The following SGCD variants were observed in gnomAD, a reference collection of about 807,000 sequenced individuals.
SGCD encodes sarcoglycan delta.
SGCD carries 18 observed loss-of-function variants against 36.6 expected under a neutral mutation model. The observed-to-expected ratio is 0.49, with a 90% CI of 0.34 to 0.73. The LOEUF (loss-of-function observed/expected upper bound fraction) is 0.73. Among genes scored for constraint, SGCD ranks in the 30% least tolerant of loss-of-function variants. SGCD has a pLI of 0.01. For synonymous variants in SGCD, 133 were observed against 130.6 expected (o/e 1.02, Z -0.12); for missense variants, 387 against 346.7 (o/e 1.12, Z -0.92).
chr5:156,099,923 AT>A (rs35935968), intron 1 of SGCD, among the ~76,000 whole-genome samples: 25,023 of 151,924 alleles, frequency 0.16, 3,270 homozygotes, highest in East Asian at 0.46. Context: ...CATTGTCAAA[AT>A]TTTTTTCTTT....
chr5:156,075,040 A>G (rs1162484452), intron 1 of SGCD, among the ~76,000 whole-genome samples: 3 of 152,350 alleles, frequency 2.0e-5, no homozygotes, highest in East Asian at 1.9e-4. Flanking sequence ...CAAAGAGCTG[A>G]TATCTTGAGA....
chr5:156,014,341 T>C (rs970470909), intron 1 of SGCD, among the ~76,000 whole-genome samples: 1 of 152,084 alleles, frequency 6.6e-6, no homozygotes, highest in Non-Finnish European at 1.5e-5. Flanking sequence ...CTGCAGAAAA[T>C]TTACCAGAAT....
chr5:155,738,924 C>CGT, the SGCD span, among the ~76,000 whole-genome samples: 3 of 122,632 alleles, frequency 2.4e-5, no homozygotes, highest in Non-Finnish European at 5.4e-5. Context: ...AGTGTGTTTG[C>CGT]GTGTGAGAGA....
At chr5:155,905,809 T>C (rs56356229) in intron 1 of SGCD, among the ~76,000 whole-genome samples, 16,918 of 152,122 alleles carry the variant, frequency 0.11, 2,552 homozygotes, top group African/African-American at 0.34. Flanking sequence ...TTTCTCTTGC[T>C]GCCACCATGT....
At chr5:156,451,307 G>A (rs57683078) in intron 3 of SGCD, among the ~76,000 whole-genome samples, 30,586 of 152,082 alleles carry the variant, frequency 0.2, 3,147 homozygotes, top group Middle Eastern at 0.28. Context: ...TGGCTGAACA[G>A]TCATACCCAA....
intron 7 of SGCD, among the ~76,000 whole-genome samples, chr5:156,697,945 G>A (rs1754385137): frequency 6.6e-6 from 1 of 152,136 alleles, no homozygotes; most frequent in African/African-American, 2.4e-5. Context: ...GGAGAAAGAG[G>A]GGAGGAAGTC....
chr5:155,849,137 A>G, the SGCD span, among the ~76,000 whole-genome samples: 42 of 152,146 alleles, frequency 2.8e-4, no homozygotes, highest in Non-Finnish European at 1.9e-4. Context: ...CATGTCCTCA[A>G]GTTCTGCACA....
At chr5:156,000,540 A>G (rs1404435402) in intron 1 of SGCD, among the ~76,000 whole-genome samples, 1 of 152,144 alleles carries the variant, frequency 6.6e-6, no homozygotes, top group African/African-American at 2.4e-5. Context: ...CCATATATGA[A>G]ACTAATCCAA....
intron 4 of SGCD, among the ~76,000 whole-genome samples, chr5:156,555,360 G>A (rs555259766): frequency 1.2e-4 from 18 of 152,182 alleles, no homozygotes; most frequent in Non-Finnish European, 8.8e-5. Flanking sequence ...TAGTTCTTAT[G>A]TTTAAATCTT....
chr5:155,966,779 AATAT>A (rs1287539195), intron 1 of SGCD, among the ~76,000 whole-genome samples: 1 of 152,138 alleles, frequency 6.6e-6, no homozygotes, highest in African/African-American at 2.4e-5. Flanking sequence ...GCCTAATGTT[AATAT>A]TAATACTGGC....
At chr5:156,053,162 C>A (rs895857816) in intron 1 of SGCD, among the ~76,000 whole-genome samples, 1 of 146,566 alleles carries the variant, frequency 6.8e-6, no homozygotes, top group African/African-American at 2.5e-5. Context: ...CATTTACAAC[C>A]ACTACCATGC....
intron 3 of SGCD, among the ~76,000 whole-genome samples, chr5:156,451,577 C>A (rs1050661771): frequency 6.6e-6 from 1 of 152,076 alleles, no homozygotes; most frequent in Non-Finnish European, 1.5e-5. Context: ...TTGCTATGGG[C>A]ACAGAGAAAT....
chr5:156,563,030 T>A (rs560062053), intron 4 of SGCD, among the ~76,000 whole-genome samples: 1 of 152,122 alleles, frequency 6.6e-6, no homozygotes, highest in South Asian at 2.1e-4. Context: ...CAGGTTGGAG[T>A]GCAAAATCGC....
At chr5:156,130,608 C>T (rs76323738) in intron 3 of SGCD, among the ~76,000 whole-genome samples, 2,030 of 152,278 alleles carry the variant, frequency 0.013, 21 homozygotes, top group Non-Finnish European at 0.021. Context: ...ATGACTCCAT[C>T]TTTATTCCAG....
intron 3 of SGCD, among the ~76,000 whole-genome samples, chr5:156,461,207 A>G (rs1483800954): frequency 6.6e-6 from 1 of 152,206 alleles, no homozygotes; most frequent in Non-Finnish European, 1.5e-5. Flanking sequence ...TAAAAATGTC[A>G]GAATATGTGG....
chr5:155,978,753 T>A (rs1429370927), intron 1 of SGCD, among the ~76,000 whole-genome samples: 2 of 152,074 alleles, frequency 1.3e-5, no homozygotes, highest in Non-Finnish European at 2.9e-5. Context: ...TTGTTATTTT[T>A]ACGAAAGTAA....
intron 1 of SGCD, among the ~76,000 whole-genome samples, chr5:156,078,520 A>AT (rs1491532979): frequency 0.086 from 10,763 of 125,440 alleles, 488 homozygotes; most frequent in African/African-American, 0.11. Flanking sequence ...CAAAAAAAAA[A>AT]ATATATATAT....
chr5:156,541,921 G>C (rs183650095), intron 4 of SGCD, among the ~76,000 whole-genome samples: 1 of 152,150 alleles, frequency 6.6e-6, no homozygotes, highest in East Asian at 1.9e-4. Context: ...ATTTCCCAGG[G>C]CTAAAATAAT....
intron 7 of SGCD, among the ~76,000 whole-genome samples, chr5:156,706,502 A>C (rs1328507940): frequency 6.6e-6 from 1 of 152,054 alleles, no homozygotes; most frequent in Admixed American, 6.6e-5. Flanking sequence ...TGCCACCCTT[A>C]GGTGGTGGGA....
Sources: gnomAD v4.1 joint callset for allele counts (sites outside exome capture counted in the v4.1 genomes callset) on GRCh38, gnomAD v4.1.1 for gene constraint, MANE v1.5 for transcripts, NCBI Gene and HGNC (gene_info 2026-07-23, HGNC 2026-07-21) for gene names.